STK24: variants seen among roughly 807,000 people sequenced by gnomAD.
STK24 encodes the protein serine/threonine kinase 24, also known as serine/threonine-protein kinase 24.
In STK24, 21 loss-of-function variants were observed where a neutral mutation model predicts 55.6. That is an observed-to-expected ratio of 0.38 (90% CI 0.27 to 0.54). The LOEUF is 0.54. Ranked by LOEUF, STK24 falls within the 20% of genes least tolerant of loss-of-function variation. The pLI, the probability that STK24 is intolerant of heterozygous loss-of-function variation, is 0.79. For synonymous variants in STK24, 200 were observed against 215.2 expected, an observed-to-expected ratio of 0.93 and a Z score of 0.62; for missense variants, 383 against 538.4, an observed-to-expected ratio of 0.71 and a Z score of 2.86.
At chr13:98,522,975 T>C (rs1319120176) in intron 1 of STK24, among the ~76,000 whole-genome samples, 1 of 152,164 alleles carries the variant, frequency 6.6e-6, no homozygotes, top group Non-Finnish European at 1.5e-5. Context: ...GTTAGCACTG[T>C]CATTCCCGGG....
chr13:98,499,299 C>A (rs1437457825), intron 2 of STK24, among the ~76,000 whole-genome samples: 1 of 151,900 alleles, frequency 6.6e-6, no homozygotes, highest in Non-Finnish European at 1.5e-5. Context: ...ACTTGCAAGG[C>A]ATGAACACAT....
At chr13:98,475,731 T>A (rs7997785) in intron 3 of STK24, among the ~76,000 whole-genome samples, 81,507 of 151,824 alleles carry the variant, frequency 0.54, 22,203 homozygotes, top group Non-Finnish European at 0.58. Flanking sequence ...GCAGCTGACC[T>A]CAGGGTGCCC....
chr13:98,527,140 G>A (rs1896452959), intron 1 of STK24, among the ~76,000 whole-genome samples: 1 of 152,164 alleles, frequency 6.6e-6, no homozygotes, highest in Non-Finnish European at 1.5e-5. Context: ...GGAATGGCCA[G>A]CCACTGAGAA....
At chr13:98,483,398 A>G (rs1048942022) in intron 2 of STK24, among the ~76,000 whole-genome samples, 19 of 151,242 alleles carry the variant, frequency 1.3e-4, no homozygotes, top group African/African-American at 4.4e-4. Context: ...CACATGGAGG[A>G]AAAAAAAAGA....
chr13:98,559,908 C>G (rs562477694), intron 1 of STK24, among the ~76,000 whole-genome samples: 26 of 151,468 alleles, frequency 1.7e-4, no homozygotes, highest in African/African-American at 6.1e-4. Context: ...TGCAGCCACT[C>G]GAGGCTGAGG....
Position 98,448,163 on chromosome 13 carries a change from T to A in STK24, c.*5010A>T, listed in dbSNP as rs1474134727. ...GGCCTGACTTCACCTTGTGTTTCTGTAAGCGATGCCCACCAAAGTGTCAGG... is the reference window on the plus strand; with the variant it reads ...GGCCTGACTTCACCTTGTGTTTCTGAAAGCGATGCCCACCAAAGTGTCAGG... On this transcript the variant is annotated 3_prime_UTR_variant, in exon 11 of 11. Transcript: ENST00000539966. 3.9e-4 allele frequency: 507 copies of A among 1,300,206 alleles called. 1 individual carries two copies. The African/African-American group carries it at 4.7e-3, about 12-fold the overall frequency. The allele number at this position is 1,300,206 out of a possible 1,614,324, so 80.5% of individuals were successfully genotyped here. A position where few individuals can be genotyped will look rare whatever the true frequency, so the allele number is the denominator to read the frequency against.
At chr13:98,456,908 C>T (rs148573797) in intron 10 of STK24, 132 of 554,846 alleles carry the variant, frequency 2.4e-4, no homozygotes, top group African/African-American at 2.2e-3. Context: ...TATTTCACCA[C>T]CACCCTGTAT....
chr13:98,558,845 C>G (rs1337559261), intron 1 of STK24, among the ~76,000 whole-genome samples: 1 of 151,954 alleles, frequency 6.6e-6, no homozygotes, highest in Non-Finnish European at 1.5e-5. Flanking sequence ...ATGGTGACCA[C>G]AGAAGTAAAT....
intron 1 of STK24, among the ~76,000 whole-genome samples, chr13:98,543,199 AAG>A (rs1896936366): frequency 6.6e-6 from 1 of 152,204 alleles, no homozygotes. Context: ...TCCCCAAAAA[AAG>A]AGAACTAAAC....
chr13:98,463,902 C>T (rs1159564971), intron 6 of STK24, 66 bp from the exon 7 acceptor site: 11 of 1,558,756 alleles, frequency 7.1e-6, no homozygotes, highest in Non-Finnish European at 9.6e-6. Context: ...AAAGGACAGA[C>T]TTCTGCCTCA....
intron 2 of STK24, among the ~76,000 whole-genome samples, chr13:98,493,446 A>G (rs1434848304): frequency 6.6e-5 from 10 of 152,198 alleles, no homozygotes; most frequent in Non-Finnish European, 7.3e-5. Flanking sequence ...AAAAGAAACA[A>G]CAAAGAGAAG....
At chr13:98,489,059 A>G (rs528846821) in intron 2 of STK24, among the ~76,000 whole-genome samples, 1 of 152,314 alleles carries the variant, frequency 6.6e-6, no homozygotes, top group Non-Finnish European at 1.5e-5. Context: ...CAGATGACGC[A>G]TGTGGCCTCA....
In STK24 at chr13:98,481,640, G is replaced by GA. The variant is rs1894584507; in HGVS notation, c.330+624dup. ...ACAAAAGTAAATAGAACCTGTTTCA[G>GA]AAAATAAGCTACCCAGCTGTTCTCA... On this transcript the variant is annotated intron_variant, in intron 3 of 10. Coordinates refer to ENST00000539966, the MANE Select transcript of STK24 (RefSeq NM_001032296.4). Among the ~76,000 whole-genome samples, 3 of 152,202 alleles carry GA rather than the reference G, an allele frequency of 2.0e-5. No individual in the cohort carries two copies. In the South Asian group the frequency reaches 6.2e-4, roughly 32 times the overall value.
chr13:98,476,555 C>A (rs2139291135), intron 3 of STK24, among the ~76,000 whole-genome samples: 1 of 152,358 alleles, frequency 6.6e-6, no homozygotes, highest in East Asian at 1.9e-4. Context: ...TAGGGCGCTC[C>A]TCCACAGGAA....
rs748012213 is a variant in STK24 at position 98,463,704 on chromosome 13, C to T, written c.916G>A (p.Glu306Lys). 2.5e-6 allele frequency: 4 copies of T among 1,613,852 alleles called. No individual in the cohort carries two copies. Among genetic ancestry groups the T allele is most frequent in the Admixed American group, 3.3e-5 (2 of 59,978 alleles). ...AEQSHDDSSS[E>K]DSDAETDGQA... ...GGGCCGACTTACGCGTCGGAATCCTCGGAGCTCGAGTCGTCATGGCTCTGC... is the reference window on the plus strand; with the variant it reads ...GGGCCGACTTACGCGTCGGAATCCTTGGAGCTCGAGTCGTCATGGCTCTGC... The change falls in exon 7 of 11, where the codon GAG (glutamate) becomes AAG (lysine). Residue 306 changes from glutamate to lysine, a missense_variant. Glu to Lys is a moderately conservative substitution (Grantham distance 56, BLOSUM62 1). Coordinates refer to ENST00000539966, the MANE Select transcript of STK24 (RefSeq NM_001032296.4).
Position 98,447,010 on chromosome 13 carries a change from C to A in STK24, c.*6163G>T, listed in dbSNP as rs1159001265. On this transcript the variant is annotated 3_prime_UTR_variant, in exon 11 of 11. Transcript: ENST00000539966. ...TGGCAGAAAGTGGGGTCCCAACTTCCCTGCGCCCTTACCCTGCACGGTGTT... is the reference window on the plus strand; with the variant it reads ...TGGCAGAAAGTGGGGTCCCAACTTCACTGCGCCCTTACCCTGCACGGTGTT... 1.7e-6 allele frequency: 1 copy of A among 594,018 alleles called. No homozygotes were observed. Among genetic ancestry groups the A allele is most frequent in the African/African-American group, 1.9e-5 (1 of 53,760 alleles). The allele number at this position is 594,018 out of a possible 1,614,324, so 36.8% of individuals were successfully genotyped here.
intron 1 of STK24, among the ~76,000 whole-genome samples, chr13:98,534,905 CT>C (rs1308224577): frequency 1.3e-5 from 2 of 152,214 alleles, no homozygotes; most frequent in Non-Finnish European, 2.9e-5. Flanking sequence ...ATAGCCAGCA[CT>C]ATGTGAATTA....
At chr13:98,488,834 A>G (rs1894907565) in intron 2 of STK24, among the ~76,000 whole-genome samples, 1 of 152,228 alleles carries the variant, frequency 6.6e-6, no homozygotes, top group African/African-American at 2.4e-5. Flanking sequence ...GAAAGGGCAG[A>G]TGCTACACAG....
intron 1 of STK24, among the ~76,000 whole-genome samples, chr13:98,545,551 G>A (rs60030284): frequency 0.026 from 3,984 of 151,208 alleles, 191 homozygotes; most frequent in African/African-American, 0.092. Context: ...GGAGAATGGC[G>A]TGAACCCGGG....
Sources: gnomAD v4.1 joint callset for allele counts (sites outside exome capture counted in the v4.1 genomes callset) on GRCh38, gnomAD v4.1.1 for gene constraint, MANE v1.5 for transcripts, NCBI Gene and HGNC (gene_info 2026-07-23, HGNC 2026-07-21) for gene names.